Variants in MEX3D observed in about 807,000 individuals in gnomAD.
MEX3D encodes the protein mex-3 RNA binding family member D, also known as RNA-binding protein MEX3D.
In MEX3D, 4 loss-of-function variants were observed where a neutral mutation model predicts 6.3. The ratio of observed to expected loss-of-function variants is 0.64; its 90% confidence interval spans 0.31 to 1.46. The LOEUF is 1.46. Ranked by LOEUF, MEX3D falls within the 40% of genes most tolerant of loss-of-function variation. The pLI, the probability that MEX3D is intolerant of heterozygous loss-of-function variation, is 0.07. For missense variants in MEX3D, 1,038 were observed against 994.4 expected, an observed-to-expected ratio of 1.04 and a Z score of -0.59; for synonymous variants, 626 against 494.1, an observed-to-expected ratio of 1.27 and a Z score of -3.54.
chr19:1,568,203 C>T lies in MEX3D; in HGVS notation c.-145G>A. ...ACGGGGGGCCGGGCGGGCGGGGCGG[C>T]GGCGGCGCGGGGCTGCTCGGGGCCG... On this transcript the variant is annotated 5_prime_UTR_variant, in exon 1 of 2. Coordinates refer to ENST00000402693, the MANE Select transcript of MEX3D (RefSeq NM_203304.4). 2.5e-6 allele frequency: 1 copy of T among 408,012 alleles called. No individual in the cohort carries two copies. The highest frequency in any genetic ancestry group is 3.2e-6 in the Non-Finnish European group (1 of 311,030). 25.3% of individuals were successfully genotyped at this position (408,012 alleles called of 1,614,324 possible). A position where few individuals can be genotyped will look rare whatever the true frequency, so the allele number is the denominator to read the frequency against.
chr19:1,557,068 G>A (rs531339242), intron 1 of MEX3D, 145 bp from the exon 2 acceptor site: 9 of 1,020,094 alleles, frequency 8.8e-6, no homozygotes, highest in East Asian at 2.5e-5. Flanking sequence ...GACACGCCAC[G>A]TCCCTTCTTC....
intron 1 of MEX3D, among the ~76,000 whole-genome samples, chr19:1,562,089 G>C (rs1277671270): frequency 6.6e-6 from 1 of 151,386 alleles, no homozygotes; most frequent in South Asian, 2.1e-4. Flanking sequence ...GTGAAACCCC[G>C]TCTCTACTAA....
Position 1,555,764 on chromosome 19 carries a change from G to A in MEX3D, c.1755C>T (p.Arg585=). The A allele has an allele frequency of 6.7e-7, 1 of 1,491,358 alleles. No homozygotes were observed. The highest frequency in any genetic ancestry group is 8.9e-7 in the Non-Finnish European group (1 of 1,126,990). The allele number at this position is 1,491,358 out of a possible 1,614,324, so 92.4% of individuals were successfully genotyped here. Reference sequence around the variant, plus strand: ...GGGCCGAGGACGCCGAAGGGGGCTTGCGGCTGTTCTCGGAGGCGCCGGAGT... The same window carrying A: ...GGGCCGAGGACGCCGAAGGGGGCTTACGGCTGTTCTCGGAGGCGCCGGAGT... ...PLDSGASENS[R]KPPSASSAPA... The change falls in exon 2 of 2, where the codon CGC becomes CGT. Residue 585 remains arginine, a synonymous_variant. Coordinates refer to ENST00000402693, the MANE Select transcript of MEX3D (RefSeq NM_203304.4).
chr19:1,565,186 G>C (rs1160061724), intron 1 of MEX3D, among the ~76,000 whole-genome samples: 1 of 152,046 alleles, frequency 6.6e-6, no homozygotes, highest in Non-Finnish European at 1.5e-5. Context: ...AGGAGTTCAA[G>C]ACCAGCCTGA....
At chr19:1,558,850 G>A (rs920418907) in intron 1 of MEX3D, among the ~76,000 whole-genome samples, 4 of 152,188 alleles carry the variant, frequency 2.6e-5, no homozygotes, top group Non-Finnish European at 5.9e-5. Flanking sequence ...CTGGGGGTCT[G>A]ACCTGGTGAG....
chr19:1,566,578 G>A (rs149184487), intron 1 of MEX3D, among the ~76,000 whole-genome samples: 2,713 of 152,200 alleles, frequency 0.018, 84 homozygotes, highest in African/African-American at 0.063. Flanking sequence ...ACCCAGGAGC[G>A]GGGAGGGGTG....
Position 1,556,314 on chromosome 19 carries a change from G to A in MEX3D, c.1205C>T (p.Pro402Leu), listed in dbSNP as rs957527717. The A allele has an allele frequency of 5.3e-6, 7 of 1,321,422 alleles. No individual in the cohort carries two copies. Among genetic ancestry groups the A allele is most frequent in the Non-Finnish European group, 6.7e-6 (7 of 1,040,570 alleles). 81.9% of individuals were successfully genotyped at this position (1,321,422 alleles called of 1,614,324 possible). A position where few individuals can be genotyped will look rare whatever the true frequency, so the allele number is the denominator to read the frequency against. Residue 402 changes from proline to leucine, a missense_variant, in exon 2 of 2, where the codon CCC becomes CTC. This residue lies in a region of MEX3D where 581 missense variants were observed against 516.2 expected (regional missense o/e 1.13). Coordinates refer to ENST00000402693, the MANE Select transcript of MEX3D (RefSeq NM_203304.4). The surrounding 1 kb of genome is among the most constrained non-coding windows in gnomAD (Gnocchi z 7.5). ...GDTALGAPSA[P>L]EAFYAGSRGG... Reference sequence around the variant, plus strand: ...GCGGCTGCCCGCGTAGAAGGCCTCGGGGGCGCTGGGGGCGCCCAGGGCCGT... The same window carrying A: ...GCGGCTGCCCGCGTAGAAGGCCTCGAGGGCGCTGGGGGCGCCCAGGGCCGT...
chr19:1,556,999 G>C lies in MEX3D; in HGVS notation c.596-76C>G. On this transcript the variant is annotated intron_variant, in intron 1 of 1. Transcript: ENST00000402693. The surrounding 1 kb of genome is among the most constrained non-coding windows in gnomAD (Gnocchi z 7.5). The stretch of plus-strand genomic sequence containing the variant: ...CTCAGCCCCGCTGGGCATGCAGGCT[G>C]CAGGGCCAGTGAGGGAGCCCCTACC... The C allele has an allele frequency of 6.7e-7, 1 of 1,497,778 alleles. No homozygotes were observed. Among genetic ancestry groups the C allele is most frequent in the Non-Finnish European group, 8.9e-7 (1 of 1,127,064 alleles). The allele number at this position is 1,497,778 out of a possible 1,614,324, so 92.8% of individuals were successfully genotyped here. A position where few individuals can be genotyped will look rare whatever the true frequency, so the allele number is the denominator to read the frequency against.
intron 1 of MEX3D, among the ~76,000 whole-genome samples, chr19:1,558,740 T>TCGGCCCGACTGCAGA (rs1176100058): frequency 6.6e-6 from 1 of 152,332 alleles, no homozygotes; most frequent in African/African-American, 2.4e-5. Context: ...AGCCGAGGTC[T>TCGGCCCGACTGCAGA]CGGCCCGACT....
At position 1,555,752 on chromosome 19, in the gene MEX3D, C is replaced by T. The variant is rs865885029; in HGVS notation, c.1767G>A (p.Ser589=). 8.0e-6 allele frequency: 12 copies of T among 1,501,648 alleles called. No homozygotes were observed. Among genetic ancestry groups the T allele is most frequent in the Middle Eastern group, 2.0e-4 (1 of 4,892 alleles). 93.0% of individuals were successfully genotyped at this position (1,501,648 alleles called of 1,614,324 possible). The change falls in exon 2 of 2, where the codon TCG becomes TCA. Residue 589 remains serine, a synonymous_variant. Transcript: ENST00000402693. The part of the protein sequence containing the change: ...GASENSRKPP[S]ASSAPALARE... Reference sequence around the variant, plus strand: ...GCGCCAGGGCCGGGGCCGAGGACGCCGAAGGGGGCTTGCGGCTGTTCTCGG... The same window carrying T: ...GCGCCAGGGCCGGGGCCGAGGACGCTGAAGGGGGCTTGCGGCTGTTCTCGG...
chr19:1,556,715 G>A lies in MEX3D; in HGVS notation c.804C>T (p.Pro268=). 6.2e-7 allele frequency: 1 copy of A among 1,611,098 alleles called. No individual in the cohort carries two copies. Among genetic ancestry groups the A allele is most frequent in the Middle Eastern group, 1.7e-4 (1 of 6,058 alleles). Residue 268 remains proline (P), a synonymous_variant, in exon 2 of 2, where the codon CCC becomes CCT. Coordinates refer to ENST00000402693, the MANE Select transcript of MEX3D (RefSeq NM_203304.4). The surrounding 1 kb of genome is among the most constrained non-coding windows in gnomAD (Gnocchi z 7.5). ...GGLPGAAQGP[P]NLPGQTTIQV... ...GGATGGTGGTCTGTCCGGGAAGGTT[G>A]GGCGGGCCCTGGGCGGCGCCGGGCA...
In MEX3D at chr19:1,556,735, C is replaced by T. The variant is rs868695907; in HGVS notation, c.784G>A (p.Gly262Ser). 5.6e-6 allele frequency: 9 copies of T among 1,611,586 alleles called. No individual in the cohort carries two copies. The highest frequency in any genetic ancestry group is 3.3e-5 in the South Asian group (3 of 91,000). The change falls in exon 2 of 2, where the codon GGC becomes AGC. Residue 262 changes from glycine to serine, a missense_variant. Gly to Ser is a moderately conservative substitution (Grantham distance 56). This residue lies in a region of MEX3D where 52 missense variants were observed against 37.4 expected (regional missense o/e 1.39). Transcript: ENST00000402693. The surrounding 1 kb of genome is among the most constrained non-coding windows in gnomAD (Gnocchi z 7.5). The stretch of plus-strand genomic sequence containing the variant: ...AGGTTGGGCGGGCCCTGGGCGGCGC[C>T]GGGCAGACCCCCGGCCTTGCTGCGC... ...ATRSKAGGLP[G>S]AAQGPPNLPG...
At chr19:1,564,751 G>A (rs76864951) in intron 1 of MEX3D, among the ~76,000 whole-genome samples, 330 of 152,222 alleles carry the variant, frequency 2.2e-3, no homozygotes, top group African/African-American at 7.6e-3. Context: ...AGGCCGGACA[G>A]GTGCACCCTT....
chr19:1,557,029 A>C lies in MEX3D; in HGVS notation c.596-106T>G, dbSNP rs1369609959. On this transcript the variant is annotated intron_variant, in intron 1 of 1. Transcript: ENST00000402693. ...GCCAGTGAGGGAGCCCCTACCTCCC[A>C]GCCTGTGCCCAACAACACTTTATCC... 2.2e-6 allele frequency: 3 copies of C among 1,339,704 alleles called. No homozygotes were observed. The African/African-American group carries it at 4.4e-5, about 20-fold the overall frequency. The allele number at this position is 1,339,704 out of a possible 1,614,324, so 83.0% of individuals were successfully genotyped here.
chr19:1,556,046 G>A lies in MEX3D; in HGVS notation c.1473C>T (p.Val491=). 7.4e-7 allele frequency: 1 copy of A among 1,342,804 alleles called. No homozygotes were observed. Among genetic ancestry groups the A allele is most frequent in the Non-Finnish European group, 9.6e-7 (1 of 1,046,138 alleles). The allele number at this position is 1,342,804 out of a possible 1,614,324, so 83.2% of individuals were successfully genotyped here. A position where few individuals can be genotyped will look rare whatever the true frequency, so the allele number is the denominator to read the frequency against. ...PLPAFSGCST[V]NGAPGPPAAG... is the part of the protein sequence containing the mutation. ...CGGCGGGAGGTCCCGGGGCTCCGTTGACCGTGGAGCAGCCGCTGAAGGCGG... is the reference window on the plus strand; with the variant it reads ...CGGCGGGAGGTCCCGGGGCTCCGTTAACCGTGGAGCAGCCGCTGAAGGCGG... The change falls in exon 2 of 2, where the codon GTC becomes GTT. Residue 491 remains valine, a synonymous_variant. Coordinates refer to ENST00000402693, the MANE Select transcript of MEX3D (RefSeq NM_203304.4). This position sits in a 1 kb window ranked among gnomAD's most constrained non-coding sequence, Gnocchi z 7.5.
At chr19:1,564,754 G>T (rs763755654) in intron 1 of MEX3D, among the ~76,000 whole-genome samples, 49 of 152,138 alleles carry the variant, frequency 3.2e-4, no homozygotes, top group Non-Finnish European at 5.3e-4. Context: ...CCGGACAGGT[G>T]CACCCTTCCT....
chr19:1,563,368 G>A (rs986536652), intron 1 of MEX3D, among the ~76,000 whole-genome samples: 1 of 152,202 alleles, frequency 6.6e-6, no homozygotes, highest in Non-Finnish European at 1.5e-5. Flanking sequence ...AGCAGAGAGA[G>A]CGAGCCCTGA....
intron 1 of MEX3D, among the ~76,000 whole-genome samples, chr19:1,558,630 C>G (rs1360885644): frequency 6.6e-6 from 1 of 152,222 alleles, no homozygotes; most frequent in African/African-American, 2.4e-5. Flanking sequence ...CCTCCCGGCC[C>G]AACAGGAGGG....
In MEX3D at chr19:1,556,086, C is replaced by T. The variant is rs911799867; in HGVS notation, c.1433G>A (p.Arg478His). ...GCTGAAGGCGGGCAAGGGGGCGGCG[C>T]GCTCAAAAGGCGCCCAGATGGTGGC... ...AAATIWAPFE[R>H]AAPLPAFSGC... Residue 478 changes from arginine (R) to histidine (H), a missense_variant, in exon 2 of 2, where the codon CGC (arginine) becomes CAC (histidine). Coordinates refer to ENST00000402693, the MANE Select transcript of MEX3D (RefSeq NM_203304.4). This position sits in a 1 kb window ranked among gnomAD's most constrained non-coding sequence, Gnocchi z 7.5. The T allele has an allele frequency of 7.0e-6, 10 of 1,434,292 alleles. No individual in the cohort carries two copies. In the African/African-American group the frequency reaches 1.4e-4, roughly 20 times the overall value. 88.8% of individuals were successfully genotyped at this position (1,434,292 alleles called of 1,614,324 possible). A position where few individuals can be genotyped will look rare whatever the true frequency, so the allele number is the denominator to read the frequency against.
Sources: allele counts gnomAD v4.1 joint callset (sites outside exome capture counted in the v4.1 genomes callset), GRCh38; gene constraint gnomAD v4.1.1; regional missense constraint gnomAD v4.1.1; non-coding constraint Gnocchi (gnomAD v3.1); transcripts MANE v1.5; gene names NCBI Gene and HGNC (gene_info 2026-07-23, HGNC 2026-07-21).